RYR1: variants seen among roughly 807,000 people sequenced by gnomAD.
RYR1 encodes central core disease of muscle.
Under a neutral mutation model 583.5 loss-of-function variants are expected in RYR1, and 342 were observed. That is an observed-to-expected ratio of 0.59 (90% CI 0.54 to 0.64). The LOEUF is 0.64. Ranked by LOEUF, RYR1 falls within the 30% of genes least tolerant of loss-of-function variation. The probability of loss-of-function intolerance (pLI) is 0.00; values close to 1 mark genes in which losing one functional copy is unlikely to be tolerated. For synonymous variants in RYR1, 2,791 were observed against 2,822.5 expected, an observed-to-expected ratio of 0.99 and a Z score of 0.35; for missense variants, 6,032 against 6,917.2, an observed-to-expected ratio of 0.87 and a Z score of 4.54.
At chr19:38,484,081 C>T (rs552031423) in intron 33 of RYR1, among the ~76,000 whole-genome samples, 5 of 152,170 alleles carry the variant, frequency 3.3e-5, no homozygotes, top group East Asian at 3.9e-4. Context: ...AATCCCAGCA[C>T]GTTGGGAGGC....
At chr19:38,583,603 C>T (rs1164680798) in intron 101 of RYR1, among the ~76,000 whole-genome samples, 2 of 152,248 alleles carry the variant, frequency 1.3e-5, no homozygotes, top group Admixed American at 1.3e-4. Flanking sequence ...AATCACCCTG[C>T]CGTGGCTTAC....
chr19:38,466,501 CT>C (rs869097541), intron 24 of RYR1, 103 bp downstream of exon 24: 130,187 of 619,892 alleles, frequency 0.21, 26 homozygotes, highest in South Asian at 0.25. Flanking sequence ...TGGGCTATAT[CT>C]TTTTTTTTTT....
chr19:38,496,762 A>G lies in RYR1; in HGVS notation c.6797-98A>G. 1.6e-6 allele frequency: 2 copies of G among 1,261,270 alleles called. No individual in the cohort carries two copies. The highest frequency in any genetic ancestry group is 2.3e-6 in the Non-Finnish European group (2 of 863,768). 78.1% of individuals were successfully genotyped at this position (1,261,270 alleles called of 1,614,324 possible). ...GAGGGAAGTACAGACCAGAGGAGGC[A>G]CCTGATCCAGGCTGGAAAAAGGGTG... is the stretch of plus-strand genomic sequence containing the variant. On this transcript the variant is annotated intron_variant, in intron 41 of 105. Transcript: ENST00000359596. The surrounding 1 kb of genome is among the most constrained non-coding windows in gnomAD (Gnocchi z 4.8).
intron 90 of RYR1, among the ~76,000 whole-genome samples, chr19:38,563,943 A>G (rs1351439201): frequency 6.6e-6 from 1 of 152,226 alleles, no homozygotes; most frequent in Non-Finnish European, 1.5e-5. Flanking sequence ...AAAACCCGCT[A>G]GCCCTAGGCT....
At position 38,444,994 on chromosome 19, in the gene RYR1, C is replaced by T. The variant is rs561923216; in HGVS notation, c.631+317C>T. ...TTTAAAGGCCGGGCATGGTGGCTCA[C>T]GCCTGTAATCTCAGCACTTTGGGAG... On this transcript the variant is annotated intron_variant, in intron 7 of 105. Transcript: ENST00000359596. The surrounding 1 kb of genome is among the most constrained non-coding windows in gnomAD (Gnocchi z 5.1). 6.6e-5 allele frequency among the ~76,000 whole-genome samples: 10 copies of T among 152,120 alleles called. No homozygotes were observed. The East Asian group carries it at 1.9e-3, about 29-fold the overall frequency.
intron 60 of RYR1, among the ~76,000 whole-genome samples, chr19:38,511,201 C>T (rs2960335): frequency 0.16 from 23,828 of 151,962 alleles, 2,270 homozygotes; most frequent in African/African-American, 0.25. Context: ...GAGGCTGAGG[C>T]GGGAGGATCA....
At chr19:38,449,000 G>A (rs766936468) in intron 11 of RYR1, among the ~76,000 whole-genome samples, 187 bp downstream of exon 11, 2 of 151,942 alleles carry the variant, frequency 1.3e-5, no homozygotes, top group Non-Finnish European at 2.9e-5. Flanking sequence ...GAGACTGAGA[G>A]AAAGATAGAG....
intron 67 of RYR1, among the ~76,000 whole-genome samples, chr19:38,521,756 GGGTGCAGT>G (rs1227196173): frequency 1.3e-5 from 2 of 148,420 alleles, no homozygotes; most frequent in Non-Finnish European, 3.0e-5. Context: ...GCCCAGGCTG[GGGTGCAGT>G]GGTGCGATCT....
rs1969450421 is a variant in RYR1 at position 38,489,384 on chromosome 19, G to A, written c.5755G>A (p.Glu1919Lys). ...EEEEAAEGEK[E>K]EGLEEGLLQM... The stretch of plus-strand genomic sequence containing the variant: ...AGAGGAGGCAGCAGAAGGGGAGAAA[G>A]AAGAAGGCTTGGAGGAAGGGCTGCT... The change falls in exon 35 of 106, where the codon GAA (glutamate) becomes AAA (lysine). Residue 1919 changes from glutamate to lysine, a missense_variant. By Grantham distance (56) the Glu-to-Lys change is moderately conservative. Transcript: ENST00000359596. The A allele has an allele frequency of 1.2e-6, 2 of 1,614,086 alleles. No homozygotes were observed. Among genetic ancestry groups the A allele is most frequent in the Non-Finnish European group, 1.7e-6 (2 of 1,179,962 alleles).
At chr19:38,507,081 G>T in intron 57 of RYR1, 129 bp downstream of exon 57, 1 of 1,451,064 alleles carries the variant, frequency 6.9e-7, no homozygotes. Flanking sequence ...GGAACCAGAG[G>T]GGAGGAGCTA....
intron 29 of RYR1, among the ~76,000 whole-genome samples, chr19:38,476,288 T>C (rs1042726148): frequency 3.3e-4 from 51 of 152,264 alleles, no homozygotes; most frequent in African/African-American, 1.2e-3. Flanking sequence ...AACCTCTGCC[T>C]CCCGGGTTCA....
In RYR1 at chr19:38,466,133, G is replaced by C; in HGVS notation, c.2913G>C (p.Leu971=). ...SNGYKPAPLD[L]SHVRLTPAQT... is the part of the protein sequence containing the mutation. ...GGTACAAGCCGGCTCCGCTGGACCTGAGCCACGTGCGGCTGACGCCGGCGC... is the reference window on the plus strand; with the variant it reads ...GGTACAAGCCGGCTCCGCTGGACCTCAGCCACGTGCGGCTGACGCCGGCGC... Residue 971 remains leucine, a synonymous_variant, in exon 24 of 106, where the codon CTG becomes CTC. Coordinates refer to ENST00000359596, the MANE Select transcript of RYR1 (RefSeq NM_000540.3). 6.2e-7 allele frequency: 1 copy of C among 1,613,240 alleles called. No homozygotes were observed. The highest frequency in any genetic ancestry group is 2.2e-5 in the East Asian group (1 of 44,858).
chr19:38,506,179 C>T, intron 54 of RYR1, 124 bp from the exon 55 acceptor site: 1 of 1,065,974 alleles, frequency 9.4e-7, no homozygotes, highest in Non-Finnish European at 1.4e-6. Flanking sequence ...AAGGAAAGGA[C>T]AAGGGGTCTT....
chr19:38,485,918 A>G lies in RYR1; in HGVS notation c.5263A>G (p.Asn1755Asp). 1 of 1,613,712 alleles carries G rather than the reference A, an allele frequency of 6.2e-7. No individual in the cohort carries two copies. The highest frequency in any genetic ancestry group is 8.5e-7 in the Non-Finnish European group (1 of 1,179,950). The change falls in exon 34 of 106, where the codon AAT (asparagine) becomes GAT (aspartate). Residue 1755 changes from asparagine (N) to aspartate (D), a missense_variant. By Grantham distance (23) the Asn-to-Asp change is conservative. This residue lies in a region of RYR1 where 2,627 missense variants were observed against 2,961.3 expected (regional missense o/e 0.89). Coordinates refer to ENST00000359596, the MANE Select transcript of RYR1 (RefSeq NM_000540.3). ...CTTCCCTCCTGGAAGGAGCACAGAA[A>G]ATGGTCACCCCCGGCATGGCCTGCC... The part of the protein sequence containing the change: ...TLFPPGRSTE[N>D]GHPRHGLPGV...
At chr19:38,574,787 C>T (rs1329558872) in intron 96 of RYR1, among the ~76,000 whole-genome samples, 2 of 152,156 alleles carry the variant, frequency 1.3e-5, no homozygotes, top group Non-Finnish European at 2.9e-5. Flanking sequence ...TGTAATCAAT[C>T]CTAGCACTTT....
rs780121053 is a variant in RYR1, at chr19:38,466,290, C to A, written c.3070C>A (p.Arg1024Ser). The change falls in exon 24 of 106, where the codon CGC becomes AGC. Residue 1024 changes from arginine (R) to serine (S), a missense_variant. Physicochemically the swap from Arg to Ser is moderately radical, Grantham distance 110. Around this residue, in one of 11 missense-constraint regions of RYR1, gnomAD observed 2,627 missense variants for 2,961.3 expected, o/e 0.89. Coordinates refer to ENST00000359596, the MANE Select transcript of RYR1 (RefSeq NM_000540.3). ...CCGAAACCCTCGGCTGGTGCCCTAC[C>A]GCCTGCTGGATGAAGCCACCAAGCG... ...ARRNPRLVPY[R>S]LLDEATKRSN... 2 of 1,612,104 alleles carry A rather than the reference C, an allele frequency of 1.2e-6. No individual in the cohort carries two copies. The highest frequency in any genetic ancestry group is 3.3e-5 in the Admixed American group (2 of 59,918).
chr19:38,587,069 G>A (rs188211784), intron 105 of RYR1, among the ~76,000 whole-genome samples: 63 of 152,258 alleles, frequency 4.1e-4, no homozygotes, highest in Admixed American at 9.2e-4. Context: ...AGAAGTTCAA[G>A]ACAGCCTAGG....
intron 58 of RYR1, among the ~76,000 whole-genome samples, chr19:38,509,444 ATTATTATTTT>A (rs1291272022): frequency 1.6e-5 from 2 of 126,816 alleles, no homozygotes; most frequent in East Asian, 4.7e-4. Flanking sequence ...TATTATTATT[ATTATTATTTT>A]TTTTTTTTTT....
chr19:38,506,278 T>A, intron 54 of RYR1, 25 bp from the exon 55 acceptor site: 1 of 1,612,872 alleles, frequency 6.2e-7, no homozygotes, highest in South Asian at 1.1e-5. Context: ...TCAGCCCACC[T>A]CCCATCTTCC....
Sources: gnomAD v4.1 joint callset for allele counts (sites outside exome capture counted in the v4.1 genomes callset) on GRCh38, gnomAD v4.1.1 for gene constraint, gnomAD v4.1.1 regional missense constraint, Gnocchi (gnomAD v3.1) non-coding constraint, MANE v1.5 for transcripts, NCBI Gene and HGNC (gene_info 2026-07-23, HGNC 2026-07-21) for gene names.